The following HNRNPLL variants were observed in gnomAD, a reference collection of about 807,000 sequenced individuals.
HNRNPLL encodes the protein heterogeneous nuclear ribonucleoprotein L like, also known as heterogeneous nuclear ribonucleoprotein L-like.
Under a neutral mutation model 67.1 loss-of-function variants are expected in HNRNPLL, and 25 were observed. That is an observed-to-expected ratio of 0.37 (90% CI 0.27 to 0.52). The LOEUF (loss-of-function observed/expected upper bound fraction) is 0.52, where lower values mean the gene tolerates loss of function less well. Ranked by LOEUF, HNRNPLL falls within the 20% of genes least tolerant of loss-of-function variation. HNRNPLL has a pLI of 0.90. For missense variants in HNRNPLL, 542 were observed against 673.9 expected (o/e 0.80, Z 2.17); for synonymous variants, 267 against 241.7 (o/e 1.10, Z -0.97).
In HNRNPLL at chr2:38,602,807, A is replaced by AG. The variant is rs750041143; in HGVS notation, c.-182dup. 1.3e-4 allele frequency: 207 copies of AG among 1,543,986 alleles called. 1 individual carries two copies. In the African/African-American group the frequency reaches 2.3e-3, roughly 17 times the overall value. On this transcript the variant is annotated 5_prime_UTR_variant, in exon 1 of 13. Transcript: ENST00000449105. ...GCGGCTGAGAAGCGCGGACGGACTG[A>AG]GGGGGGCGCCCCGGGAGGAAGCTCT...
In HNRNPLL at chr2:38,582,370, G is replaced by T. The variant is rs1394290958; in HGVS notation, c.633-202C>A. ...TTGCTCTATCACCAGGAGTGCAGTGGCGCGACCTGGGCTCAATGCAACCTC... is the reference window on the plus strand; with the variant it reads ...TTGCTCTATCACCAGGAGTGCAGTGTCGCGACCTGGGCTCAATGCAACCTC... On this transcript the variant is annotated intron_variant, in intron 4 of 12. Coordinates refer to ENST00000449105, the MANE Select transcript of HNRNPLL (RefSeq NM_138394.4). Among the ~76,000 whole-genome samples the T allele has an allele frequency of 2.0e-5, 3 of 152,124 alleles. No individual in the cohort carries two copies. In the East Asian group the frequency reaches 5.8e-4, roughly 29 times the overall value.
intron 1 of HNRNPLL, among the ~76,000 whole-genome samples, chr2:38,593,418 T>A (rs1667039155): frequency 6.6e-6 from 1 of 152,136 alleles, no homozygotes; most frequent in South Asian, 2.1e-4. Context: ...TCAAAATAAT[T>A]AGAAAATAAT....
chr2:38,597,832 C>T (rs1029377683), intron 1 of HNRNPLL, among the ~76,000 whole-genome samples: 5 of 152,016 alleles, frequency 3.3e-5, no homozygotes, highest in South Asian at 4.2e-4. Flanking sequence ...GGATTACAGG[C>T]GCGTGCCACC....
rs150582299 is a variant in HNRNPLL, at chr2:38,598,799, G to T, written c.189+3639C>A. On this transcript the variant is annotated intron_variant, in intron 1 of 12. Transcript: ENST00000449105. ...ATGAAGAAACAGTCTAAAACCAAAA[G>T]ATGGTAAAACCTACTACTTTTCATT... Among the ~76,000 whole-genome samples the T allele has an allele frequency of 4.9e-4, 75 of 152,294 alleles. 1 individual carries two copies. The Middle Eastern group carries it at 0.014, about 28-fold the overall frequency.
In HNRNPLL at chr2:38,562,382, TAAATG is replaced by T. The variant is rs1665705015; in HGVS notation, c.*1795_*1799del. The T allele has an allele frequency of 6.6e-6, 1 of 152,108 alleles. No homozygotes were observed. Among genetic ancestry groups the T allele is most frequent in the South Asian group, 2.1e-4 (1 of 4,834 alleles). The allele number at this position is 152,108 out of a possible 1,614,324, so 9.4% of individuals were successfully genotyped here. ...CTACACATCTAAACTAATTAAAATC[TAAATG>T]AAATAAGTCCTGCCAACACCTACAG... is the stretch of plus-strand genomic sequence containing the variant. On this transcript the variant is annotated 3_prime_UTR_variant, in exon 13 of 13. Transcript: ENST00000449105.
At chr2:38,587,842 T>C (rs1039925131) in intron 2 of HNRNPLL, among the ~76,000 whole-genome samples, 2 of 152,276 alleles carry the variant, frequency 1.3e-5, no homozygotes, top group African/African-American at 2.4e-5. Context: ...TAGGAGGTGA[T>C]TGGCTCATGG....
At chr2:38,591,079 C>T (rs6721860) in intron 2 of HNRNPLL, among the ~76,000 whole-genome samples, 36,982 of 152,052 alleles carry the variant, frequency 0.24, 5,523 homozygotes, top group African/African-American at 0.42. Flanking sequence ...ACAAATAATG[C>T]CTACCCTTAA....
intron 1 of HNRNPLL, among the ~76,000 whole-genome samples, chr2:38,595,193 C>A (rs1572462497): frequency 7.1e-6 from 1 of 141,142 alleles, no homozygotes; most frequent in Non-Finnish European, 1.5e-5. Flanking sequence ...GGTGGAAGGA[C>A]TGCTTGAACC....
At chr2:38,564,639 T>TAAAAAAAAAAA (rs1665784554) in intron 12 of HNRNPLL, among the ~76,000 whole-genome samples, 1 of 132,656 alleles carries the variant, frequency 7.5e-6, no homozygotes, top group African/African-American at 2.9e-5. Context: ...AAAAAAAAAG[T>TAAAAAAAAAAA]AAAATTTCTA....
chr2:38,568,281 A>C lies in HNRNPLL; in HGVS notation c.1491T>G (p.Leu497=). 6.2e-7 allele frequency: 1 copy of C among 1,613,496 alleles called. No individual in the cohort carries two copies. Among genetic ancestry groups the C allele is most frequent in the Non-Finnish European group, 8.5e-7 (1 of 1,179,564 alleles). The change falls in exon 12 of 13, where the codon CTT becomes CTG. Residue 497 remains leucine, a synonymous_variant. Coordinates refer to ENST00000449105, the MANE Select transcript of HNRNPLL (RefSeq NM_138394.4). ...TGCACTCCCATTCTAATAGCCCAGAAAGTGTTTTGGCTGAAGCTAAAACAA... is the reference window on the plus strand; with the variant it reads ...TGCACTCCCATTCTAATAGCCCAGACAGTGTTTTGGCTGAAGCTAAAACAA... The part of the protein sequence containing the change: ...VFDAKPSAKT[L]SGLLEWECKT...
At chr2:38,589,218 AATATCTTGTT>A (rs1666866265) in intron 2 of HNRNPLL, among the ~76,000 whole-genome samples, 1 of 152,212 alleles carries the variant, frequency 6.6e-6, no homozygotes, top group Admixed American at 6.5e-5. Flanking sequence ...AACCATTTTT[AATATCTTGTT>A]ATATTTTCTT....
chr2:38,573,314 C>G lies in HNRNPLL; in HGVS notation c.988G>C (p.Gly330Arg), dbSNP rs763806161. 1 of 1,612,334 alleles carries G rather than the reference C, an allele frequency of 6.2e-7. No homozygotes were observed. Among genetic ancestry groups the G allele is most frequent in the South Asian group, 1.1e-5 (1 of 90,968 alleles). ...ATTACAACTGAACCAGAGGGATTTC[C>G]TCCATGCATGTAAGAGGAAGAAGCC... ...PQASSSYMHGGNPSGSVVMVS... is the reference protein window; with the variant it reads ...PQASSSYMHGRNPSGSVVMVS... The change falls in exon 8 of 13, where the codon GGA becomes CGA. Residue 330 changes from glycine (G) to arginine (R), a missense_variant. By Grantham distance (125) the Gly-to-Arg change is moderately radical (BLOSUM62 -2). This residue lies in a region of HNRNPLL where 415 missense variants were observed against 575.2 expected (regional missense o/e 0.72). Transcript: ENST00000449105.
In HNRNPLL at chr2:38,563,985, A is replaced by C. The variant is rs1458380279; in HGVS notation, c.*197T>G. The C allele has an allele frequency of 3.7e-6, 2 of 533,862 alleles. No homozygotes were observed. The highest frequency in any genetic ancestry group is 6.4e-5 in the East Asian group (2 of 31,396). 33.1% of individuals were successfully genotyped at this position (533,862 alleles called of 1,614,324 possible). On this transcript the variant is annotated 3_prime_UTR_variant, in exon 13 of 13. Transcript: ENST00000449105. ...AGCTGTAGATAGTCTACATTATGAT[A>C]TTCTATCTTAAAATGAAAACAATTC... is the stretch of plus-strand genomic sequence containing the variant.
chr2:38,586,458 T>C (rs1298558449), intron 2 of HNRNPLL, among the ~76,000 whole-genome samples: 1 of 152,214 alleles, frequency 6.6e-6, no homozygotes, highest in African/African-American at 2.4e-5. Context: ...ACCCAGTTTA[T>C]TCTTTGGGGT....
At chr2:38,570,879 CAA>C (rs796515789) in intron 8 of HNRNPLL, among the ~76,000 whole-genome samples, 2 of 136,914 alleles carry the variant, frequency 1.5e-5, no homozygotes, top group African/African-American at 2.7e-5. Context: ...CCCATCTCTA[CAA>C]AAAAAAAAAA....
rs1164809682 is a variant in HNRNPLL at position 38,562,669 on chromosome 2, G to T, written c.*1513C>A. On this transcript the variant is annotated 3_prime_UTR_variant, in exon 13 of 13. Coordinates refer to ENST00000449105, the MANE Select transcript of HNRNPLL (RefSeq NM_138394.4). ...GAACACAGTTCACACAGTTACCCTT[G>T]GCATAACTTACTGGGTTCTGTGATA... The T allele has an allele frequency of 6.6e-6, 1 of 151,948 alleles. No homozygotes were observed. The highest frequency in any genetic ancestry group is 1.5e-5 in the Non-Finnish European group (1 of 67,926). 9.4% of individuals were successfully genotyped at this position (151,948 alleles called of 1,614,324 possible).
intron 6 of HNRNPLL, among the ~76,000 whole-genome samples, chr2:38,580,699 CCACA>C (rs1424721337): frequency 6.6e-6 from 1 of 152,184 alleles, no homozygotes; most frequent in Non-Finnish European, 1.5e-5. Flanking sequence ...TCCAGAATTG[CCACA>C]CAGTTAGTTG....
chr2:38,593,757 G>A (rs1471649475), intron 1 of HNRNPLL, among the ~76,000 whole-genome samples: 1 of 151,984 alleles, frequency 6.6e-6, no homozygotes, highest in South Asian at 2.1e-4. Context: ...CCACCTACTC[G>A]GGAGGCTGAG....
intron 1 of HNRNPLL, among the ~76,000 whole-genome samples, chr2:38,601,400 G>C (rs1334311814): frequency 6.6e-6 from 1 of 152,058 alleles, no homozygotes; most frequent in African/African-American, 2.4e-5. Flanking sequence ...CTAATAGTAG[G>C]ATATATGTGT....
Sources: gnomAD v4.1 joint callset for allele counts (sites outside exome capture counted in the v4.1 genomes callset) on GRCh38, gnomAD v4.1.1 for gene constraint, gnomAD v4.1.1 regional missense constraint, MANE v1.5 for transcripts, NCBI Gene and HGNC (gene_info 2026-07-23, HGNC 2026-07-21) for gene names.